CNTN6: variants seen among roughly 807,000 people sequenced by gnomAD.
CNTN6 encodes the protein contactin 6.
In CNTN6, 137 loss-of-function variants were observed where a neutral mutation model predicts 122.8. The ratio of observed to expected loss-of-function variants is 1.12; its 90% CI spans 0.97 to 1.29. The LOEUF (loss-of-function observed/expected upper bound fraction) is 1.29, where lower values mean the gene tolerates loss of function less well. Among genes scored for constraint, CNTN6 ranks in the 50% most tolerant of loss-of-function variants. CNTN6 has a pLI of 0.00. For synonymous variants in CNTN6, 570 were observed against 426.0 expected (o/e 1.34, Z -4.16); for missense variants, 1,634 against 1,223.4 (o/e 1.34, Z -5.01).
chr3:1,169,001 G>A (rs2093312480), intron 2 of CNTN6, among the ~76,000 whole-genome samples: 1 of 152,146 alleles, frequency 6.6e-6, no homozygotes. Context: ...CCTGGCAAGG[G>A]AAAGCCAAAG....
At chr3:1,246,024 T>A (rs59967383) in intron 4 of CNTN6, among the ~76,000 whole-genome samples, 9,003 of 152,244 alleles carry the variant, frequency 0.059, 355 homozygotes, top group East Asian at 0.15. Context: ...GGCTGTAGGT[T>A]GGACAAGCTT....
intron 2 of CNTN6, among the ~76,000 whole-genome samples, chr3:1,200,827 T>C (rs954271757): frequency 7.9e-5 from 12 of 152,174 alleles, no homozygotes; most frequent in African/African-American, 2.9e-4. Context: ...TTAAGAAGAA[T>C]AACTTGACTT....
chr3:1,260,499 T>C (rs573899876), intron 4 of CNTN6, among the ~76,000 whole-genome samples: 45 of 152,188 alleles, frequency 3.0e-4, no homozygotes, highest in African/African-American at 9.9e-4. Flanking sequence ...TTTGTAGCAG[T>C]AACCACATCA....
At chr3:1,357,693 T>C (rs938374692) in intron 12 of CNTN6, among the ~76,000 whole-genome samples, 1 of 151,884 alleles carries the variant, frequency 6.6e-6, no homozygotes, top group African/African-American at 2.4e-5. Context: ...CTAGCAGGAA[T>C]AAAAGTATAG....
chr3:1,257,378 T>C (rs1293974014), intron 4 of CNTN6, among the ~76,000 whole-genome samples: 1 of 152,192 alleles, frequency 6.6e-6, no homozygotes, highest in Non-Finnish European at 1.5e-5. Flanking sequence ...TCTCTCATTT[T>C]CTTTATAATG....
At chr3:1,133,653 T>C (rs1380396353) in intron 1 of CNTN6, among the ~76,000 whole-genome samples, 1 of 112,558 alleles carries the variant, frequency 8.9e-6, no homozygotes, top group Non-Finnish European at 1.9e-5. Context: ...TTCTTTTCCA[T>C]TTTCCTACAG....
chr3:1,331,876 A>G (rs1702340534), intron 11 of CNTN6, among the ~76,000 whole-genome samples: 1 of 151,650 alleles, frequency 6.6e-6, no homozygotes, highest in Non-Finnish European at 1.5e-5. Context: ...AAAAAGCAGG[A>G]GGGAAACTGC....
chr3:1,212,947 GA>G (rs2094067363), intron 2 of CNTN6, among the ~76,000 whole-genome samples: 3 of 152,058 alleles, frequency 2.0e-5, no homozygotes, highest in Admixed American at 2.0e-4. Context: ...TGAAAAAAAG[GA>G]ATGATATCAA....
intron 7 of CNTN6, among the ~76,000 whole-genome samples, chr3:1,320,703 G>A (rs1358068508): frequency 6.6e-6 from 1 of 151,662 alleles, no homozygotes; most frequent in Non-Finnish European, 1.5e-5. Context: ...ACAGACTGGG[G>A]ATTCATTTTA....
intron 1 of CNTN6, among the ~76,000 whole-genome samples, chr3:1,126,612 T>C (rs1032236374): frequency 6.6e-6 from 1 of 151,922 alleles, no homozygotes; most frequent in African/African-American, 2.4e-5. Flanking sequence ...GCAGTGAGCA[T>C]GTTTGCCTTG....
chr3:1,387,029 G>C (rs1693102525), intron 20 of CNTN6, among the ~76,000 whole-genome samples: 1 of 151,242 alleles, frequency 6.6e-6, no homozygotes, highest in African/African-American at 2.4e-5. Flanking sequence ...AGATATTCAT[G>C]TTCCAATTCT....
rs770143077 is a variant in CNTN6 at position 1,352,352 on chromosome 3, A to C, written c.1393A>C (p.Lys465Gln). The change falls in exon 12 of 23, where the codon AAG (lysine) becomes CAG (glutamine). Residue 465 changes from lysine to glutamine, a missense_variant. Lys to Gln is a moderately conservative substitution (Grantham distance 53, BLOSUM62 1). Transcript: ENST00000446702. Reference sequence around the variant, plus strand: ...ATTTCTCTTGGAGGATGGCAGCCTCAAGATATATAATATTACCAGGTCAGA... The same window carrying C: ...ATTTCTCTTGGAGGATGGCAGCCTCCAGATATATAATATTACCAGGTCAGA... ...RIFLLEDGSL[K>Q]IYNITRSDAG... The C allele has an allele frequency of 2.6e-6, 4 of 1,552,702 alleles. No homozygotes were observed. In the African/African-American group the frequency reaches 4.1e-5, roughly 16 times the overall value.
At chr3:1,158,892 A>C (rs1418230776) in intron 2 of CNTN6, among the ~76,000 whole-genome samples, 1 of 135,262 alleles carries the variant, frequency 7.4e-6, no homozygotes, top group Non-Finnish European at 1.5e-5. Context: ...ATATACACAC[A>C]TATATATACA....
At chr3:1,146,983 A>T (rs2092736367) in intron 1 of CNTN6, among the ~76,000 whole-genome samples, 1 of 152,116 alleles carries the variant, frequency 6.6e-6, no homozygotes, top group Admixed American at 6.6e-5. Flanking sequence ...CTTAAATTTT[A>T]TTTAAACGTT....
chr3:1,211,002 A>G (rs915416874), intron 2 of CNTN6, among the ~76,000 whole-genome samples: 4 of 152,134 alleles, frequency 2.6e-5, no homozygotes, highest in African/African-American at 9.7e-5. Flanking sequence ...CTGCTGACCC[A>G]CTGACTTCCA....
At chr3:1,123,721 G>C (rs1410817949) in intron 1 of CNTN6, among the ~76,000 whole-genome samples, 2 of 151,932 alleles carry the variant, frequency 1.3e-5, no homozygotes, top group Non-Finnish European at 2.9e-5. Context: ...CCAGTACAGT[G>C]TTGAACAGCA....
chr3:1,205,951 T>G (rs1352739057), intron 2 of CNTN6, among the ~76,000 whole-genome samples: 1 of 152,214 alleles, frequency 6.6e-6, no homozygotes, highest in Non-Finnish European at 1.5e-5. Flanking sequence ...TGCATTTCAT[T>G]GGACACAGTT....
intron 4 of CNTN6, among the ~76,000 whole-genome samples, chr3:1,236,823 G>C (rs559509579): frequency 1.3e-5 from 2 of 152,150 alleles, no homozygotes; most frequent in African/African-American, 4.8e-5. Context: ...GCTCACGCCT[G>C]TAATCCCAGC....
At chr3:1,276,013 C>T (rs772781745) in intron 4 of CNTN6, among the ~76,000 whole-genome samples, 6 of 152,102 alleles carry the variant, frequency 3.9e-5, no homozygotes, top group Non-Finnish European at 7.4e-5. Flanking sequence ...TTCCTCTAAA[C>T]AATACCAATA....
Sources: allele counts gnomAD v4.1 joint callset (sites outside exome capture counted in the v4.1 genomes callset), GRCh38; gene constraint gnomAD v4.1.1; transcripts MANE v1.5; gene names NCBI Gene and HGNC (gene_info 2026-07-23, HGNC 2026-07-21).